SEMA3A: variants seen among roughly 807,000 people sequenced by gnomAD.
The protein encoded by SEMA3A is semaphorin-3A.
Under a neutral mutation model 97.9 loss-of-function variants are expected in SEMA3A, and 29 were observed. That is an observed-to-expected ratio of 0.30 (90% CI 0.22 to 0.40). The LOEUF (loss-of-function observed/expected upper bound fraction) is 0.40. SEMA3A is among the 10% of genes least tolerant of loss of function. SEMA3A has a pLI of 1.00. For missense variants in SEMA3A, 763 were observed against 951.3 expected, an observed-to-expected ratio of 0.80 and a Z score of 2.60; for synonymous variants, 321 against 323.7, an observed-to-expected ratio of 0.99 and a Z score of 0.09.
intron 4 of SEMA3A, among the ~76,000 whole-genome samples, chr7:84,094,353 C>T (rs1015597433): frequency 5.3e-5 from 8 of 150,692 alleles, no homozygotes; most frequent in Non-Finnish European, 8.9e-5. Flanking sequence ...CCATGTTATA[C>T]TTGCACTGAT....
Position 83,961,585 on chromosome 7 carries a change from A to G in SEMA3A, c.2102T>C (p.Val701Ala). 1 of 1,614,066 alleles carries G rather than the reference A, an allele frequency of 6.2e-7. No individual in the cohort carries two copies. Among genetic ancestry groups the G allele is most frequent in the South Asian group, 1.1e-5 (1 of 91,078 alleles). ...MSNSMTPSQK[V>A]WYRDFMQLIN... Reference sequence around the variant, plus strand: ...GAGCTGCATGAAGTCTCTGTACCAGACCTTCTGGCTAGGTGTCATGCTATT... The same window carrying G: ...GAGCTGCATGAAGTCTCTGTACCAGGCCTTCTGGCTAGGTGTCATGCTATT... Residue 701 changes from valine to alanine, a missense_variant, in exon 17 of 17, where the codon GTC becomes GCC. Val to Ala is a moderately conservative substitution (Grantham distance 64). Coordinates refer to ENST00000265362, the MANE Select transcript of SEMA3A (RefSeq NM_006080.3).
chr7:84,085,135 T>G (rs928264653), intron 4 of SEMA3A, among the ~76,000 whole-genome samples: 4 of 152,098 alleles, frequency 2.6e-5, no homozygotes, highest in African/African-American at 9.7e-5. Flanking sequence ...GATATCTATG[T>G]AAAGTAATAC....
intron 3 of SEMA3A, among the ~76,000 whole-genome samples, chr7:84,117,180 C>T (rs565011220): frequency 6.6e-6 from 1 of 152,142 alleles, no homozygotes; most frequent in South Asian, 2.1e-4. Context: ...TATTTGTATG[C>T]AAACCATATG....
At chr7:84,321,887 A>T (rs1584238019) in intron 2 of SEMA3A, among the ~76,000 whole-genome samples, 1 of 138,268 alleles carries the variant, frequency 7.2e-6, no homozygotes, top group Non-Finnish European at 1.6e-5. Flanking sequence ...AAAAAAAAAA[A>T]AAAAAAAAAA....
At chr7:84,404,961 C>A (rs1397423906) in intron 1 of SEMA3A, among the ~76,000 whole-genome samples, 1 of 152,138 alleles carries the variant, frequency 6.6e-6, no homozygotes, top group African/African-American at 2.4e-5. Flanking sequence ...TAAAGACCAT[C>A]AAGGCTAGGA....
At chr7:84,056,688 C>T (rs1420122582) in intron 5 of SEMA3A, among the ~76,000 whole-genome samples, 3 of 152,010 alleles carry the variant, frequency 2.0e-5, no homozygotes, top group Non-Finnish European at 2.9e-5. Context: ...AAATTTTACA[C>T]TATTATATTT....
At chr7:84,491,468 G>T (rs1223900610) in intron 1 of SEMA3A, among the ~76,000 whole-genome samples, 1 of 152,004 alleles carries the variant, frequency 6.6e-6, no homozygotes, top group African/African-American at 2.4e-5. Context: ...TTAATAACTG[G>T]AATCTTTGGT....
chr7:84,055,023 AG>A (rs1375246197), intron 5 of SEMA3A, among the ~76,000 whole-genome samples: 1 of 152,112 alleles, frequency 6.6e-6, no homozygotes, highest in Admixed American at 6.5e-5. Context: ...CTCAGGGGTC[AG>A]GGGTCAGGGA....
chr7:84,069,665 T>C (rs1037222404), intron 4 of SEMA3A, among the ~76,000 whole-genome samples: 1 of 152,130 alleles, frequency 6.6e-6, no homozygotes, highest in African/African-American at 2.4e-5. Flanking sequence ...TGAGACATTC[T>C]TTCAAAAGGA....
intron 4 of SEMA3A, among the ~76,000 whole-genome samples, chr7:84,085,499 T>C (rs1180977936): frequency 6.6e-6 from 1 of 151,986 alleles, no homozygotes; most frequent in Admixed American, 6.6e-5. Context: ...GAAATAATGA[T>C]AGGAACTGAA....
chr7:83,963,479 C>T, intron 15 of SEMA3A, 132 bp from the exon 16 acceptor site: 1 of 929,008 alleles, frequency 1.1e-6, no homozygotes, highest in Non-Finnish European at 1.6e-6. Context: ...TTGAGGATGA[C>T]AGAAATGTCA....
chr7:84,126,480 A>G (rs1795799566), intron 3 of SEMA3A, among the ~76,000 whole-genome samples: 2 of 152,200 alleles, frequency 1.3e-5, no homozygotes, highest in Non-Finnish European at 2.9e-5. Context: ...TGTTGGGATT[A>G]CAGGCATGGG....
At chr7:84,277,589 C>A (rs1800336603) in intron 3 of SEMA3A, among the ~76,000 whole-genome samples, 1 of 152,084 alleles carries the variant, frequency 6.6e-6, no homozygotes, top group South Asian at 2.1e-4. Flanking sequence ...TCCATTCTTG[C>A]ATTGCTATAA....
chr7:84,321,692 C>A (rs1009214821), intron 2 of SEMA3A, among the ~76,000 whole-genome samples: 1 of 151,428 alleles, frequency 6.6e-6, no homozygotes. Context: ...CTGGCTAACA[C>A]AGTGAAATCC....
chr7:84,290,598 T>C (rs936042918), intron 3 of SEMA3A, among the ~76,000 whole-genome samples: 6 of 152,182 alleles, frequency 3.9e-5, no homozygotes, highest in Admixed American at 1.3e-4. Flanking sequence ...ACAACTCCCG[T>C]GGCATGGTAA....
At chr7:84,422,869 A>G (rs573867706) in intron 1 of SEMA3A, among the ~76,000 whole-genome samples, 1 of 152,156 alleles carries the variant, frequency 6.6e-6, no homozygotes, top group East Asian at 1.9e-4. Context: ...TGTAATCCCT[A>G]TAGGGACCAA....
At chr7:83,973,894 T>C (rs949939564) in intron 15 of SEMA3A, among the ~76,000 whole-genome samples, 8 of 125,198 alleles carry the variant, frequency 6.4e-5, no homozygotes, top group Non-Finnish European at 9.8e-5. Flanking sequence ...AAATTAGTAC[T>C]GATGGTGTAG....
intron 6 of SEMA3A, among the ~76,000 whole-genome samples, chr7:84,030,569 C>T (rs2116462697): frequency 6.6e-6 from 1 of 152,254 alleles, no homozygotes; most frequent in South Asian, 2.1e-4. Flanking sequence ...CCTTTCAACT[C>T]TTTCTGCAAT....
At chr7:84,385,064 A>AACAC (rs58600722) in intron 1 of SEMA3A, among the ~76,000 whole-genome samples, 3,289 of 147,406 alleles carry the variant, frequency 0.022, 48 homozygotes, top group Non-Finnish European at 0.026. Context: ...ACATCCACAA[A>AACAC]ACACACACAC....
Sources: allele counts gnomAD v4.1 joint callset (sites outside exome capture counted in the v4.1 genomes callset), GRCh38; gene constraint gnomAD v4.1.1; transcripts MANE v1.5; gene names NCBI Gene and HGNC (gene_info 2026-07-23, HGNC 2026-07-21).